Variants in TTC28 observed in about 807,000 individuals in gnomAD.
TTC28 encodes the protein tetratricopeptide repeat protein 28.
TTC28 carries 61 observed loss-of-function variants against 198.0 expected under a neutral mutation model. The ratio of observed to expected loss-of-function variants is 0.31; its 90% CI spans 0.25 to 0.38. TTC28 has a LOEUF of 0.38. TTC28 is among the 10% of genes least tolerant of loss of function. The pLI is 1.00. For missense variants in TTC28, 2,678 were observed against 3,164.0 expected (o/e 0.85, Z 3.69); for synonymous variants, 1,171 against 1,297.8 (o/e 0.90, Z 2.10).
chr22:28,134,965 G>A (rs1943164710), intron 6 of TTC28, among the ~76,000 whole-genome samples: 1 of 152,154 alleles, frequency 6.6e-6, no homozygotes, highest in Non-Finnish European at 1.5e-5. Context: ...ATCTTTGTCA[G>A]ATCTTTTGAG....
In TTC28 at chr22:27,982,900, T is replaced by C; in HGVS notation, c.6767A>G (p.Glu2256Gly). ...SSGYSSPTTS[E>G]MSIKDSPSQH... The stretch of plus-strand genomic sequence containing the variant: ...GCTCGGGCTGTCTTTGATGGACATC[T>C]CTGAGGTGGTGGGGCTGCTATATCC... The change falls in exon 23 of 23, where the codon GAG becomes GGG. Residue 2256 changes from glutamate to glycine, a missense_variant. By Grantham distance (98) the Glu-to-Gly change is moderately conservative. This residue lies in a region of TTC28 where 622 missense variants were observed against 656.0 expected (regional missense o/e 0.95). Transcript: ENST00000397906. The surrounding 1 kb of genome is among the most constrained non-coding windows in gnomAD (Gnocchi z 5.2). 6.4e-7 allele frequency: 1 copy of C among 1,551,536 alleles called. No homozygotes were observed.
At chr22:28,495,263 C>T (rs566859143) in intron 2 of TTC28, among the ~76,000 whole-genome samples, 1 of 152,102 alleles carries the variant, frequency 6.6e-6, no homozygotes, top group Non-Finnish European at 1.5e-5. Context: ...AATAGAGCCT[C>T]CCTAGAGCAT....
chr22:28,055,768 T>C (rs1940262816), intron 12 of TTC28, among the ~76,000 whole-genome samples: 1 of 152,026 alleles, frequency 6.6e-6, no homozygotes, highest in Non-Finnish European at 1.5e-5. Flanking sequence ...CCACTCCCTT[T>C]CTCCCCATGA....
intron 11 of TTC28, among the ~76,000 whole-genome samples, chr22:28,094,632 A>T (rs1941917968): frequency 6.6e-6 from 1 of 152,234 alleles, no homozygotes; most frequent in Non-Finnish European, 1.5e-5. Context: ...GAAATCCCAA[A>T]GACAAATATA....
At chr22:28,050,852 A>G (rs558074192) in intron 12 of TTC28, among the ~76,000 whole-genome samples, 1 of 152,324 alleles carries the variant, frequency 6.6e-6, no homozygotes, top group Non-Finnish European at 1.5e-5. Context: ...TTATAAATAC[A>G]ACAAACCCCA....
intron 2 of TTC28, among the ~76,000 whole-genome samples, chr22:28,313,786 C>G (rs1234843801): frequency 6.6e-6 from 1 of 152,170 alleles, no homozygotes; most frequent in Non-Finnish European, 1.5e-5. Context: ...GAAGCATTCC[C>G]TTTGAAAACT....
At position 28,024,484 on chromosome 22, in the gene TTC28, C is replaced by A. The variant is rs899523477; in HGVS notation, c.4073+5742G>T. On this transcript the variant is annotated intron_variant, in intron 13 of 22. Transcript: ENST00000397906. Reference sequence around the variant, plus strand: ...AAGTACTCAGATGCCAAGCTCCACACTTCCACCCAACCCCACTGGAACTCC... The same window carrying A: ...AAGTACTCAGATGCCAAGCTCCACAATTCCACCCAACCCCACTGGAACTCC... Among the ~76,000 whole-genome samples the A allele has an allele frequency of 3.3e-5, 5 of 152,312 alleles. No individual in the cohort carries two copies. The South Asian group carries it at 8.3e-4, about 25-fold the overall frequency.
chr22:28,163,857 C>G (rs1434090706), intron 5 of TTC28, among the ~76,000 whole-genome samples: 1 of 152,172 alleles, frequency 6.6e-6, no homozygotes, highest in Non-Finnish European at 1.5e-5. Context: ...ATTGCCTCAC[C>G]TGGGAAGCAC....
Position 28,156,238 on chromosome 22 carries a change from T to A in TTC28, c.1441+6854A>T, listed in dbSNP as rs190795805. 9.2e-4 allele frequency among the ~76,000 whole-genome samples: 140 copies of A among 152,258 alleles called. 1 individual carries two copies. The highest frequency in any genetic ancestry group is 3.2e-3 in the African/African-American group (133 of 41,544). On this transcript the variant is annotated intron_variant, in intron 6 of 22. Transcript: ENST00000397906. ...GGGAAATTATCCTAGACCATCCAGG[T>A]GGGCCTGATGTAATCACAACAGTCT...
chr22:28,429,016 C>T (rs2047395336), intron 2 of TTC28, among the ~76,000 whole-genome samples: 1 of 152,146 alleles, frequency 6.6e-6, no homozygotes. Context: ...ACTGAAGTAT[C>T]CCAAATCTTG....
At chr22:28,184,888 G>T (rs1924048771) in intron 5 of TTC28, among the ~76,000 whole-genome samples, 1 of 152,066 alleles carries the variant, frequency 6.6e-6, no homozygotes, top group Non-Finnish European at 1.5e-5. Flanking sequence ...TTAAGGGAAG[G>T]AGGCACAGCA....
intron 6 of TTC28, among the ~76,000 whole-genome samples, chr22:28,110,918 G>T (rs1387163219): frequency 6.1e-5 from 9 of 148,696 alleles, no homozygotes; most frequent in Non-Finnish European, 1.3e-4. Context: ...CTGGGTGACA[G>T]AGTGAGACCC....
intron 14 of TTC28, chr22:28,001,844 G>A (rs571451006): frequency 2.3e-6 from 1 of 436,878 alleles, no homozygotes; most frequent in Non-Finnish European, 4.2e-6. Context: ...GAAGTGGGTT[G>A]GAGACCGGTC....
rs138612299 is a variant in TTC28, at chr22:28,018,244, A to AGTGTGTGTGTGTGT, written c.4074-3866_4074-3853dup. The stretch of plus-strand genomic sequence containing the variant: ...ACTCCTCTGATCTGTGCTGCTATTC[A>AGTGTGTGTGTGTGT]GTGTGTGTGTGTGTGTGTGTGTGTG... On this transcript the variant is annotated intron_variant, in intron 13 of 22. Transcript: ENST00000397906. Among the ~76,000 whole-genome samples the AGTGTGTGTGTGTGT allele has an allele frequency of 5.6e-3, 645 of 114,958 alleles. 5 individuals carry two copies. The highest frequency in any genetic ancestry group is 6.9e-3 in the Non-Finnish European group (409 of 59,220). The allele number at this position is 114,958 out of a possible 152,430, so 75.4% of individuals were successfully genotyped here.
chr22:28,451,503 A>G (rs915022012), intron 2 of TTC28, among the ~76,000 whole-genome samples: 4 of 152,228 alleles, frequency 2.6e-5, no homozygotes, highest in African/African-American at 9.7e-5. Context: ...TGTCATAGAT[A>G]GGTTTTTGGA....
intron 6 of TTC28, among the ~76,000 whole-genome samples, chr22:28,139,886 A>G (rs1015269993): frequency 6.6e-6 from 1 of 152,118 alleles, no homozygotes; most frequent in African/African-American, 2.4e-5. Flanking sequence ...TCCTCTCTAT[A>G]GGCTAAATTC....
chr22:28,225,368 AAAGAAG>A (rs148306183), intron 5 of TTC28, among the ~76,000 whole-genome samples: 21,147 of 143,010 alleles, frequency 0.15, 1,627 homozygotes, highest in African/African-American at 0.17. Context: ...AAAAAAAAGA[AAAGAAG>A]AAGAAGAAGA....
At chr22:28,592,011 G>A (rs569001427) in intron 2 of TTC28, among the ~76,000 whole-genome samples, 3 of 152,108 alleles carry the variant, frequency 2.0e-5, no homozygotes, top group Non-Finnish European at 4.4e-5. Flanking sequence ...GCCGTCCAAG[G>A]GGCCACCAAG....
intron 5 of TTC28, among the ~76,000 whole-genome samples, chr22:28,265,668 A>G (rs977518942): frequency 1.3e-5 from 2 of 152,184 alleles, no homozygotes; most frequent in African/African-American, 2.4e-5. Flanking sequence ...TTATACGCTT[A>G]AAATTCTTGG....
Sources: allele counts gnomAD v4.1 joint callset (sites outside exome capture counted in the v4.1 genomes callset), GRCh38; gene constraint gnomAD v4.1.1; regional missense constraint gnomAD v4.1.1; non-coding constraint Gnocchi (gnomAD v3.1); transcripts MANE v1.5; gene names NCBI Gene and HGNC (gene_info 2026-07-23, HGNC 2026-07-21).